The following STK32B variants were observed in gnomAD, a reference collection of about 807,000 sequenced individuals.
The protein encoded by STK32B is serine/threonine kinase 32B.
In STK32B, 43 loss-of-function variants were observed where a neutral mutation model predicts 52.6. That is an observed-to-expected ratio of 0.82 (90% CI 0.64 to 1.05). The LOEUF (loss-of-function observed/expected upper bound fraction) is 1.05. Ranked by LOEUF, STK32B falls within the 50% of genes least tolerant of loss-of-function variation. The probability of loss-of-function intolerance (pLI) is 0.00; values close to 1 mark genes in which losing one functional copy is unlikely to be tolerated. For missense variants in STK32B, 621 were observed against 534.6 expected (o/e 1.16, Z -1.59); for synonymous variants, 238 against 204.3 (o/e 1.17, Z -1.41).
intron 4 of STK32B, among the ~76,000 whole-genome samples, chr4:5,348,225 C>G (rs1397749201): frequency 6.6e-6 from 1 of 152,202 alleles, no homozygotes; most frequent in Non-Finnish European, 1.5e-5. Flanking sequence ...GAGAGCCCCT[C>G]AATCTTTCTG....
intron 1 of STK32B, among the ~76,000 whole-genome samples, chr4:5,125,950 A>C (rs538116631): frequency 6.6e-6 from 1 of 152,064 alleles, no homozygotes; most frequent in Non-Finnish European, 1.5e-5. Context: ...GCCTCAACCT[A>C]GGTTGAGCTT....
chr4:5,411,243 G>C (rs997593350), intron 5 of STK32B, among the ~76,000 whole-genome samples: 2 of 152,092 alleles, frequency 1.3e-5, no homozygotes, highest in Non-Finnish European at 2.9e-5. Flanking sequence ...CACTGTGTTA[G>C]CCAGGATGGT....
At chr4:5,309,526 C>A (rs1730152398) in intron 3 of STK32B, among the ~76,000 whole-genome samples, 1 of 152,074 alleles carries the variant, frequency 6.6e-6, no homozygotes, top group South Asian at 2.1e-4. Context: ...ATGGTGTTGA[C>A]ATGAAACCAC....
rs1040292491 is a variant in STK32B, at chr4:5,386,826, G to A, written c.435-11381G>A. Among the ~76,000 whole-genome samples, 14 of 152,108 alleles carry A rather than the reference G, an allele frequency of 9.2e-5. No individual in the cohort carries two copies. The highest frequency in any genetic ancestry group is 5.2e-4 in the Admixed American group (8 of 15,278). ...ACTCTCGGATTCCAATAGAAGTCACGTGGATAGAGTCGGATTCAGCCTTGA... is the reference window on the plus strand; with the variant it reads ...ACTCTCGGATTCCAATAGAAGTCACATGGATAGAGTCGGATTCAGCCTTGA... On this transcript the variant is annotated intron_variant, in intron 4 of 11. Coordinates refer to ENST00000282908, the MANE Select transcript of STK32B (RefSeq NM_018401.3). This position sits in a 1 kb window ranked among gnomAD's most constrained non-coding sequence, Gnocchi z 4.5.
At position 5,412,914 on chromosome 4, in the gene STK32B, C is replaced by T. The variant is rs4689217; in HGVS notation, c.473-3931C>T. Among the ~76,000 whole-genome samples, 402 of 152,280 alleles carry T rather than the reference C, an allele frequency of 2.6e-3. 6 individuals carry two copies. Among genetic ancestry groups the T allele is most frequent in the Admixed American group, 0.016 (249 of 15,304 alleles). ...TCTCACTTGGAGTAAAGCCACCATC[C>T]TGTCTCAGCCCAGAAGGTCTGACAC... On this transcript the variant is annotated intron_variant, in intron 5 of 11. Coordinates refer to ENST00000282908, the MANE Select transcript of STK32B (RefSeq NM_018401.3).
intron 11 of STK32B, among the ~76,000 whole-genome samples, chr4:5,477,190 G>A (rs973615228): frequency 3.9e-5 from 6 of 152,044 alleles, no homozygotes; most frequent in East Asian, 1.9e-4. Flanking sequence ...CAAACAAAAC[G>A]TTAAGCATGG....
Position 5,453,702 on chromosome 4 carries a change from G to A in STK32B, c.667-3105G>A, listed in dbSNP as rs7667200. Among the ~76,000 whole-genome samples the A allele has an allele frequency of 0.056, 8,552 of 152,130 alleles. 458 individuals are homozygous for A. Among genetic ancestry groups the A allele is most frequent in the African/African-American group, 0.14 (5,675 of 41,468 alleles). On this transcript the variant is annotated intron_variant, in intron 7 of 11. Transcript: ENST00000282908. The surrounding 1 kb of genome is among the most constrained non-coding windows in gnomAD (Gnocchi z 4.0). ...GCAGATCACCTGAGGTGAGGAGTTC[G>A]AGACCAACCTGGCCAACATGGTAAA... is the stretch of plus-strand genomic sequence containing the variant.
At chr4:5,309,980 GC>G (rs1219320006) in intron 3 of STK32B, among the ~76,000 whole-genome samples, 1 of 151,934 alleles carries the variant, frequency 6.6e-6, no homozygotes, top group African/African-American at 2.4e-5. Flanking sequence ...AGCCTGGCCA[GC>G]ATGGTGAAAC....
intron 6 of STK32B, among the ~76,000 whole-genome samples, chr4:5,421,675 C>G (rs927223738): frequency 9.2e-5 from 14 of 152,242 alleles, no homozygotes; most frequent in African/African-American, 3.1e-4. Context: ...AGTCCAGGTT[C>G]TTGGTCTCCA....
intron 3 of STK32B, among the ~76,000 whole-genome samples, chr4:5,239,235 A>G (rs1274743715): frequency 1.3e-5 from 2 of 151,406 alleles, no homozygotes; most frequent in African/African-American, 4.9e-5. Context: ...AGGCCACTGG[A>G]GGGTTTGAAC....
intron 2 of STK32B, 135 bp downstream of exon 2, chr4:5,140,095 G>A (rs1716318085): frequency 6.9e-7 from 1 of 1,450,412 alleles, no homozygotes. Flanking sequence ...AATGTGAAAG[G>A]AAGTCTGAAT....
At chr4:5,113,878 C>T (rs118098362) in intron 1 of STK32B, among the ~76,000 whole-genome samples, 11 of 152,030 alleles carry the variant, frequency 7.2e-5, no homozygotes, top group South Asian at 2.1e-4. Flanking sequence ...TCACATCTTA[C>T]GTGGATGGTG....
chr4:5,325,058 G>A (rs1320697476), intron 3 of STK32B, among the ~76,000 whole-genome samples: 1 of 152,182 alleles, frequency 6.6e-6, no homozygotes, highest in Non-Finnish European at 1.5e-5. Context: ...ATCCTGGTAT[G>A]AAGAAAGTTC....
chr4:5,107,503 G>T (rs1714171516), intron 1 of STK32B, among the ~76,000 whole-genome samples: 1 of 152,106 alleles, frequency 6.6e-6, no homozygotes, highest in African/African-American at 2.4e-5. Context: ...AGGGAGTTAG[G>T]CAGGGACAAT....
intron 3 of STK32B, among the ~76,000 whole-genome samples, chr4:5,188,095 A>G (rs1434200356): frequency 6.6e-6 from 1 of 152,194 alleles, no homozygotes; most frequent in Non-Finnish European, 1.5e-5. Context: ...TGTGGAAAAG[A>G]TAATTTGCTG....
rs1736956076 is a variant in STK32B, at chr4:5,396,912, A to G, written c.435-1295A>G. Reference sequence around the variant, plus strand: ...GTTCATCCCTCCCATGTGGCTCCCTACGGGTCTCTGCGGTAATCTCTTTGT... The same window carrying G: ...GTTCATCCCTCCCATGTGGCTCCCTGCGGGTCTCTGCGGTAATCTCTTTGT... On this transcript the variant is annotated intron_variant, in intron 4 of 11. Transcript: ENST00000282908. The surrounding 1 kb of genome is among the most constrained non-coding windows in gnomAD (Gnocchi z 4.7). Among the ~76,000 whole-genome samples, 1 of 152,138 alleles carries G rather than the reference A, an allele frequency of 6.6e-6. No individual in the cohort carries two copies. The highest frequency in any genetic ancestry group is 2.4e-5 in the African/African-American group (1 of 41,412).
intron 3 of STK32B, among the ~76,000 whole-genome samples, chr4:5,249,177 GC>G (rs1226076352): frequency 2.0e-5 from 3 of 152,144 alleles, no homozygotes; most frequent in Non-Finnish European, 4.4e-5. Flanking sequence ...CTACAGGCAA[GC>G]ATTTTACTGA....
rs147874221 is a variant in STK32B at position 5,410,752 on chromosome 4, A to G, written c.473-6093A>G. Among the ~76,000 whole-genome samples the G allele has an allele frequency of 2.7e-4, 41 of 152,350 alleles. No homozygotes were observed. In the East Asian group the frequency reaches 6.2e-3, roughly 23 times the overall value. ...CCTCTGACTATTATGATATCCCTAC[A>G]AACAATAAGGAATGAAGAAAGGTGA... is the stretch of plus-strand genomic sequence containing the variant. On this transcript the variant is annotated intron_variant, in intron 5 of 11. Coordinates refer to ENST00000282908, the MANE Select transcript of STK32B (RefSeq NM_018401.3).
At chr4:5,040,819 A>T in the STK32B span, among the ~76,000 whole-genome samples, 12 of 152,228 alleles carry the variant, frequency 7.9e-5, no homozygotes, top group African/African-American at 2.9e-4. Flanking sequence ...AAGATGGTAC[A>T]GTTGACTACA....
Sources: allele counts gnomAD v4.1 joint callset (sites outside exome capture counted in the v4.1 genomes callset), GRCh38; gene constraint gnomAD v4.1.1; non-coding constraint Gnocchi (gnomAD v3.1); transcripts MANE v1.5; gene names NCBI Gene and HGNC (gene_info 2026-07-23, HGNC 2026-07-21).